TENM3: variants seen among roughly 807,000 people sequenced by gnomAD.
The protein encoded by TENM3 is teneurin-3.
TENM3 carries 63 observed loss-of-function variants against 255.1 expected under a neutral mutation model. The observed-to-expected ratio is 0.25, with a 90% CI of 0.20 to 0.30. The LOEUF is 0.30. TENM3 is among the 10% of genes least tolerant of loss of function. The probability of loss-of-function intolerance (pLI) is 1.00; values close to 1 mark genes in which losing one functional copy is unlikely to be tolerated. For missense variants in TENM3, 2,929 were observed against 3,461.1 expected (o/e 0.85, Z 3.86); for synonymous variants, 1,306 against 1,322.3 (o/e 0.99, Z 0.27).
intron 1 of TENM3, among the ~76,000 whole-genome samples, chr4:182,204,624 C>T (rs989686933): frequency 6.6e-6 from 1 of 152,156 alleles, no homozygotes; most frequent in Non-Finnish European, 1.5e-5. Flanking sequence ...GTCAGCACAT[C>T]GTGGTCTTTT....
chr4:181,544,427 A>AC, the TENM3 span, among the ~76,000 whole-genome samples: 1 of 147,978 alleles, frequency 6.8e-6, no homozygotes, highest in African/African-American at 2.5e-5. Flanking sequence ...AAAAAAAAAA[A>AC]AAAAAAAAAC....
the TENM3 span, among the ~76,000 whole-genome samples, chr4:181,558,123 A>G: frequency 6.6e-6 from 1 of 152,220 alleles, no homozygotes; most frequent in Non-Finnish European, 1.5e-5. Flanking sequence ...TACTATTGAG[A>G]AAGTTCAGCT....
chr4:182,589,137 G>A (rs1746343796), intron 3 of TENM3, among the ~76,000 whole-genome samples: 2 of 152,062 alleles, frequency 1.3e-5, no homozygotes, highest in African/African-American at 4.8e-5. Context: ...GCTGTTTTAG[G>A]AGCTCTAAAG....
chr4:182,702,591 A>G (rs1757959417), intron 12 of TENM3, among the ~76,000 whole-genome samples: 1 of 152,206 alleles, frequency 6.6e-6, no homozygotes, highest in Admixed American at 6.5e-5. Flanking sequence ...TACATTAATT[A>G]TCATGTTTAA....
At chr4:182,431,641 T>C (rs1771655594) in intron 3 of TENM3, among the ~76,000 whole-genome samples, 1 of 152,178 alleles carries the variant, frequency 6.6e-6, no homozygotes, top group Non-Finnish European at 1.5e-5. Flanking sequence ...TGGAGAGCTA[T>C]GTGAACTGAG....
At chr4:181,661,031 C>G in the TENM3 span, among the ~76,000 whole-genome samples, 1 of 152,078 alleles carries the variant, frequency 6.6e-6, no homozygotes, top group African/African-American at 2.4e-5. Flanking sequence ...AAGAAATCAT[C>G]TAATAATTTG....
intron 1 of TENM3, among the ~76,000 whole-genome samples, chr4:182,285,917 C>T (rs550450815): frequency 2.0e-5 from 3 of 152,202 alleles, no homozygotes; most frequent in Non-Finnish European, 2.9e-5. Context: ...TAATTACAAT[C>T]GATTAAAATT....
At chr4:181,601,109 A>G in the TENM3 span, among the ~76,000 whole-genome samples, 4 of 152,212 alleles carry the variant, frequency 2.6e-5, no homozygotes, top group Non-Finnish European at 5.9e-5. Context: ...AATTTCTCCC[A>G]GGTGGGATAC....
At chr4:182,062,599 G>T in the TENM3 span, among the ~76,000 whole-genome samples, 194 of 152,302 alleles carry the variant, frequency 1.3e-3, no homozygotes, top group African/African-American at 4.6e-3. Context: ...GACTACCAAA[G>T]AAAGCAATGG....
At chr4:182,616,093 C>G (rs781347261) in intron 4 of TENM3, among the ~76,000 whole-genome samples, 1 of 152,126 alleles carries the variant, frequency 6.6e-6, no homozygotes, top group Non-Finnish European at 1.5e-5. Context: ...TGAAACCTAC[C>G]GCTTTAATGT....
chr4:182,472,737 A>T (rs941636575), intron 3 of TENM3, among the ~76,000 whole-genome samples: 1 of 147,356 alleles, frequency 6.8e-6, no homozygotes, highest in Non-Finnish European at 1.5e-5. Context: ...ATTTTTTTTT[A>T]AGAGAGTCTC....
the TENM3 span, among the ~76,000 whole-genome samples, chr4:182,005,539 C>T: frequency 1.3e-5 from 2 of 152,132 alleles, no homozygotes; most frequent in South Asian, 4.1e-4. Flanking sequence ...TTAGGATTGT[C>T]TTGGCTATAC....
chr4:181,667,893 T>C, the TENM3 span, among the ~76,000 whole-genome samples: 105,208 of 151,948 alleles, frequency 0.69, 37,077 homozygotes, highest in African/African-American at 0.81. Flanking sequence ...CCACTTGTCC[T>C]CTGTTCACTT....
intron 4 of TENM3, among the ~76,000 whole-genome samples, chr4:182,617,075 C>T (rs1247309720): frequency 6.6e-6 from 1 of 152,124 alleles, no homozygotes; most frequent in Non-Finnish European, 1.5e-5. Flanking sequence ...AGTGAAAATC[C>T]TAAAGATTAT....
chr4:182,789,066 T>C lies in TENM3; in HGVS notation c.5305-27T>C. The C allele has an allele frequency of 6.4e-7, 1 of 1,569,600 alleles. No homozygotes were observed. Among genetic ancestry groups the C allele is most frequent in the Non-Finnish European group, 8.7e-7 (1 of 1,152,108 alleles). ...CCGGTGTTGGAATAACATGATTTAT[T>C]TTATCATCTTGTTGGTGTTGTAACA... On this transcript the variant is annotated intron_variant, in intron 24 of 27. Transcript: ENST00000511685. This position sits in a 1 kb window ranked among gnomAD's most constrained non-coding sequence, Gnocchi z 4.4.
At chr4:181,476,535 TC>T in the TENM3 span, among the ~76,000 whole-genome samples, 1 of 152,128 alleles carries the variant, frequency 6.6e-6, no homozygotes, top group African/African-American at 2.4e-5. Context: ...GGAAATTCTC[TC>T]TTTAGTGTTC....
At chr4:181,590,935 T>C in the TENM3 span, among the ~76,000 whole-genome samples, 2 of 152,210 alleles carry the variant, frequency 1.3e-5, no homozygotes, top group African/African-American at 4.8e-5. Flanking sequence ...GTTACCATGC[T>C]ATGATGTCTA....
chr4:182,643,408 A>G (rs1470156447), intron 5 of TENM3, among the ~76,000 whole-genome samples: 1 of 152,344 alleles, frequency 6.6e-6, no homozygotes, highest in African/African-American at 2.4e-5. Flanking sequence ...TTGACATCTT[A>G]TTGATGCCAG....
chr4:182,386,661 G>A (rs915014220), intron 3 of TENM3, among the ~76,000 whole-genome samples: 5 of 152,236 alleles, frequency 3.3e-5, no homozygotes, highest in East Asian at 3.9e-4. Flanking sequence ...CGGAGCTGCC[G>A]GCCGGCCGGG....
Sources: gnomAD v4.1 joint callset for allele counts (sites outside exome capture counted in the v4.1 genomes callset) on GRCh38, gnomAD v4.1.1 for gene constraint, Gnocchi (gnomAD v3.1) non-coding constraint, MANE v1.5 for transcripts, NCBI Gene and HGNC (gene_info 2026-07-23, HGNC 2026-07-21) for gene names.